DAB1: variants seen among roughly 807,000 people sequenced by gnomAD.
DAB1 encodes disabled homolog 1.
Under a neutral mutation model 64.6 loss-of-function variants are expected in DAB1, and 15 were observed. The observed-to-expected ratio is 0.23, with a 90% confidence interval of 0.16 to 0.36. The LOEUF (loss-of-function observed/expected upper bound fraction) is 0.36, where lower values mean the gene tolerates loss of function less well. Ranked by LOEUF, DAB1 falls within the 10% of genes least tolerant of loss-of-function variation. The probability of loss-of-function intolerance (pLI) is 1.00; values close to 1 mark genes in which losing one functional copy is unlikely to be tolerated. For missense variants in DAB1, 596 were observed against 706.7 expected, an observed-to-expected ratio of 0.84 and a Z score of 1.78; for synonymous variants, 235 against 251.9, an observed-to-expected ratio of 0.93 and a Z score of 0.64.
At chr1:58,258,036 T>A (rs1660971929) in intron 4 of DAB1, among the ~76,000 whole-genome samples, 1 of 152,142 alleles carries the variant, frequency 6.6e-6, no homozygotes, top group South Asian at 2.1e-4. Flanking sequence ...GGAGGGAAGG[T>A]TCACCCCCAA....
intron 4 of DAB1, among the ~76,000 whole-genome samples, chr1:58,319,712 G>A (rs1349370501): frequency 6.6e-6 from 1 of 152,190 alleles, no homozygotes; most frequent in East Asian, 1.9e-4. Flanking sequence ...TACTTCATTA[G>A]AACAAACTGA....
rs149338858 is a variant in DAB1 at position 57,249,717 on chromosome 1, C to T, written c.67+41247G>A. Among the ~76,000 whole-genome samples the T allele has an allele frequency of 5.9e-5, 9 of 152,312 alleles. No individual in the cohort carries two copies. In the East Asian group the frequency reaches 1.7e-3, roughly 29 times the overall value. On this transcript the variant is annotated intron_variant, in intron 2 of 14. Transcript: ENST00000371236. ...ACACTTTGATGGGAACACGCCATGA[C>T]TTGTTCTGCCTTTGCAAGTCCTCTC...
At chr1:58,417,619 C>T (rs1400292599) in intron 3 of DAB1, among the ~76,000 whole-genome samples, 3 of 152,214 alleles carry the variant, frequency 2.0e-5, no homozygotes, top group East Asian at 3.9e-4. Context: ...CTATAGGTTG[C>T]CTCTCCATCC....
chr1:57,981,904 T>C (rs1646075504), intron 5 of DAB1, among the ~76,000 whole-genome samples: 1 of 152,212 alleles, frequency 6.6e-6, no homozygotes, highest in South Asian at 2.1e-4. Flanking sequence ...TTTTCTGCTT[T>C]ATTCTAAAAT....
At chr1:57,408,482 A>G (rs1367861374) in intron 1 of DAB1, among the ~76,000 whole-genome samples, 2 of 152,150 alleles carry the variant, frequency 1.3e-5, no homozygotes, top group Admixed American at 1.3e-4. Context: ...AGGTTTTACC[A>G]CTAAATGAGT....
At chr1:58,175,156 C>A (rs552825897) in intron 4 of DAB1, among the ~76,000 whole-genome samples, 45 of 152,336 alleles carry the variant, frequency 3.0e-4, no homozygotes, top group Non-Finnish European at 5.3e-4. Flanking sequence ...CCTTTATGAG[C>A]TGTAACACTC....
At chr1:57,323,047 A>ATT (rs10671263) in intron 1 of DAB1, among the ~76,000 whole-genome samples, 48,075 of 151,554 alleles carry the variant, frequency 0.32, 8,738 homozygotes, top group East Asian at 0.58. Context: ...GAGTTCTGAG[A>ATT]TTTTTTTTTG....
intron 1 of DAB1, among the ~76,000 whole-genome samples, chr1:57,378,350 AT>A (rs1681077821): frequency 6.6e-6 from 1 of 152,212 alleles, no homozygotes; most frequent in Admixed American, 6.5e-5. Context: ...CTGTCTAAAG[AT>A]GAGAGCCAGG....
At chr1:57,013,568 T>C (rs1241564820) in intron 12 of DAB1, among the ~76,000 whole-genome samples, 1 of 152,346 alleles carries the variant, frequency 6.6e-6, no homozygotes, top group South Asian at 2.1e-4. Flanking sequence ...ATTTTCAGAA[T>C]AGCATTCTGA....
chr1:57,389,877 C>T (rs1055787973), intron 1 of DAB1, among the ~76,000 whole-genome samples: 4 of 152,142 alleles, frequency 2.6e-5, no homozygotes, highest in African/African-American at 9.7e-5. Flanking sequence ...ATATACCTCA[C>T]CCCAGAAAAC....
intron 2 of DAB1, among the ~76,000 whole-genome samples, chr1:57,258,881 C>T (rs923289098): frequency 3.9e-5 from 6 of 151,982 alleles, no homozygotes; most frequent in Non-Finnish European, 7.4e-5. Context: ...GTGAGTTCTG[C>T]ACCCACCTCC....
chr1:57,240,702 G>A (rs1668433574), intron 2 of DAB1, among the ~76,000 whole-genome samples: 1 of 152,166 alleles, frequency 6.6e-6, no homozygotes, highest in African/African-American at 2.4e-5. Context: ...ACATGGGCTA[G>A]AATGAGCTGA....
rs1246233272 is a variant in DAB1, at chr1:57,595,660, T to A, written n.625+53932A>T. Among the ~76,000 whole-genome samples, 4 of 148,614 alleles carry A rather than the reference T, an allele frequency of 2.7e-5. No homozygotes were observed. The East Asian group carries it at 6.3e-4, about 23-fold the overall frequency. On this transcript the variant is annotated intron_variant and non_coding_transcript_variant, in intron 7 of 20. Transcript: ENST00000485760. ...ACCCCCCAAATCCCATATAGAATAA[T>A]AATCCCAGTGTTGGAGGTGGGGTCT... is the stretch of plus-strand genomic sequence containing the variant.
chr1:57,663,541 T>C (rs565023924), intron 6 of DAB1, among the ~76,000 whole-genome samples: 4 of 152,240 alleles, frequency 2.6e-5, no homozygotes, highest in African/African-American at 9.6e-5. Flanking sequence ...TGTGTCTCAC[T>C]GCACTGTACA....
intron 6 of DAB1, among the ~76,000 whole-genome samples, chr1:57,676,438 G>A (rs1310080263): frequency 6.6e-6 from 1 of 152,170 alleles, no homozygotes; most frequent in Non-Finnish European, 1.5e-5. Flanking sequence ...ATATGAAACA[G>A]ATAGGATAGC....
chr1:58,182,003 A>C (rs1211609643), intron 4 of DAB1, among the ~76,000 whole-genome samples: 3 of 152,006 alleles, frequency 2.0e-5, no homozygotes, highest in African/African-American at 7.3e-5. Context: ...AAATTCATTT[A>C]GTCTCTGTTT....
intron 4 of DAB1, among the ~76,000 whole-genome samples, chr1:58,204,684 T>C (rs887084618): frequency 3.3e-5 from 5 of 152,182 alleles, no homozygotes; most frequent in Middle Eastern, 3.2e-3. Flanking sequence ...TTTGTAGTTG[T>C]TTGAAGGCTG....
intron 7 of DAB1, among the ~76,000 whole-genome samples, chr1:57,570,282 C>T (rs1221992567): frequency 1.3e-5 from 2 of 152,106 alleles, no homozygotes; most frequent in Non-Finnish European, 2.9e-5. Flanking sequence ...CCTGGAATAT[C>T]GAACTCCAAG....
At chr1:58,090,863 G>A (rs1255672603) in intron 5 of DAB1, among the ~76,000 whole-genome samples, 1 of 152,178 alleles carries the variant, frequency 6.6e-6, no homozygotes, top group Non-Finnish European at 1.5e-5. Context: ...AGCTTTCCTG[G>A]CAGAGGTGAC....
Sources: allele counts gnomAD v4.1 joint callset (sites outside exome capture counted in the v4.1 genomes callset), GRCh38; gene constraint gnomAD v4.1.1; transcripts MANE v1.5; gene names NCBI Gene and HGNC (gene_info 2026-07-23, HGNC 2026-07-21).